LRCH1: variants seen among roughly 807,000 people sequenced by gnomAD.
LRCH1 encodes leucine rich repeats and calponin homology domain containing 1, also known as leucine-rich repeat and calponin homology domain-containing protein 1.
A neutral mutation model predicts 94.9 loss-of-function variants in LRCH1; 23 were observed. That is an observed-to-expected ratio of 0.24 (90% CI 0.17 to 0.34). The LOEUF (loss-of-function observed/expected upper bound fraction) is 0.34. Ranked by LOEUF, LRCH1 falls within the 10% of genes least tolerant of loss-of-function variation. LRCH1 has a pLI of 1.00. For synonymous variants in LRCH1, 364 were observed against 354.9 expected, an observed-to-expected ratio of 1.03 and a Z score of -0.29; for missense variants, 790 against 945.9, an observed-to-expected ratio of 0.84 and a Z score of 2.16.
chr13:46,699,330 C>T lies in LRCH1; in HGVS notation c.1246-6C>T. ...TTTTCAGGAACCCTGTGTGTTTTGT[C>T]CACAGGCAAGGGCAGAAGACTGTGA... On this transcript the variant is annotated splice_polypyrimidine_tract_variant and splice_region_variant and intron_variant, in intron 9 of 19. Coordinates refer to ENST00000389797, the MANE Select transcript of LRCH1 (RefSeq NM_001164211.2). The T allele has an allele frequency of 6.2e-7, 1 of 1,612,334 alleles. No homozygotes were observed. Among genetic ancestry groups the T allele is most frequent in the African/African-American group, 1.3e-5 (1 of 74,974 alleles).
At chr13:46,611,659 A>G (rs2050749053) in intron 1 of LRCH1, among the ~76,000 whole-genome samples, 1 of 152,258 alleles carries the variant, frequency 6.6e-6, no homozygotes, top group South Asian at 2.1e-4. Flanking sequence ...CTGTGAGTGT[A>G]AAATACATGC....
At chr13:46,667,940 T>C (rs2051542803) in intron 2 of LRCH1, among the ~76,000 whole-genome samples, 2 of 152,226 alleles carry the variant, frequency 1.3e-5, no homozygotes, top group Non-Finnish European at 2.9e-5. Flanking sequence ...TACATGCATG[T>C]CTATAAATAC....
In LRCH1 at chr13:46,553,249, C is replaced by A; in HGVS notation, c.-148C>A. On this transcript the variant is annotated 5_prime_UTR_variant, in exon 1 of 20. Transcript: ENST00000389797. ...GCCTCCCCGCCCGCCCCCCATTCTA[C>A]GCGCCTGCCCACACCCTCCTCCCCT... The A allele has an allele frequency of 1.0e-4, 35 of 347,158 alleles. No homozygotes were observed. The highest frequency in any genetic ancestry group is 1.4e-4 in the Non-Finnish European group (25 of 183,400). 21.5% of individuals were successfully genotyped at this position (347,158 alleles called of 1,614,324 possible). A position where few individuals can be genotyped will look rare whatever the true frequency, so the allele number is the denominator to read the frequency against.
Position 46,706,880 on chromosome 13 carries a change from C to T in LRCH1, c.1527+1576C>T, listed in dbSNP as rs184791561. Among the ~76,000 whole-genome samples the T allele has an allele frequency of 5.1e-4, 78 of 152,332 alleles. 1 individual carries two copies. The highest frequency in any genetic ancestry group is 3.4e-3 in the Middle Eastern group (1 of 294). On this transcript the variant is annotated intron_variant, in intron 13 of 19. Coordinates refer to ENST00000389797, the MANE Select transcript of LRCH1 (RefSeq NM_001164211.2). Reference sequence around the variant, plus strand: ...TTCTCTTTCTCTCTCTCTCTCCATACACACAGTTCTTTTTCTGAAACACAC... The same window carrying T: ...TTCTCTTTCTCTCTCTCTCTCCATATACACAGTTCTTTTTCTGAAACACAC...
intron 12 of LRCH1, 43 bp from the exon 13 acceptor site, chr13:46,705,225 A>C (rs1309409424): frequency 6.3e-7 from 1 of 1,580,478 alleles, no homozygotes; most frequent in Admixed American, 1.8e-5. Context: ...CTATGCTTTA[A>C]ATTTCACTTT....
In LRCH1 at chr13:46,571,932, C is replaced by G. The variant is rs993640221; in HGVS notation, c.307+18229C>G. 4.0e-5 allele frequency among the ~76,000 whole-genome samples: 6 copies of G among 151,662 alleles called. No individual in the cohort carries two copies. In the East Asian group the frequency reaches 1.2e-3, roughly 29 times the overall value. ...GGAGGGAGGGAGAGAGAGAGAGAGA[C>G]AGGCAGGCAGTGGCTGTTTTTTTGA... On this transcript the variant is annotated intron_variant, in intron 1 of 19. Coordinates refer to ENST00000389797, the MANE Select transcript of LRCH1 (RefSeq NM_001164211.2).
intron 19 of LRCH1, among the ~76,000 whole-genome samples, chr13:46,738,896 A>T (rs1448609304): frequency 6.6e-6 from 1 of 152,130 alleles, no homozygotes; most frequent in Non-Finnish European, 1.5e-5. Flanking sequence ...ATTAGTTGTC[A>T]TATATTTGGA....
chr13:46,648,515 G>T (rs1053844691), intron 1 of LRCH1, among the ~76,000 whole-genome samples: 3 of 152,108 alleles, frequency 2.0e-5, no homozygotes, highest in African/African-American at 7.2e-5. Context: ...TCCTCTCAGG[G>T]CTCTTCTTTG....
At chr13:46,717,993 G>C (rs1872406739) in intron 16 of LRCH1, among the ~76,000 whole-genome samples, 1 of 152,138 alleles carries the variant, frequency 6.6e-6, no homozygotes, top group Admixed American at 6.5e-5. Context: ...TTGTCTGTAG[G>C]TTTCTCTGGG....
At chr13:46,651,444 G>A (rs1193770956) in intron 2 of LRCH1, among the ~76,000 whole-genome samples, 1 of 151,856 alleles carries the variant, frequency 6.6e-6, no homozygotes, top group African/African-American at 2.4e-5. Flanking sequence ...CGGAGGGATC[G>A]CCTGTCAGGA....
chr13:46,604,348 C>T (rs1189858094), intron 1 of LRCH1, among the ~76,000 whole-genome samples: 1 of 152,056 alleles, frequency 6.6e-6, no homozygotes, highest in Non-Finnish European at 1.5e-5. Flanking sequence ...TGTGGGTGAC[C>T]GAGGTGGCTG....
At chr13:46,592,776 T>C (rs1193584559) in intron 1 of LRCH1, among the ~76,000 whole-genome samples, 1 of 152,230 alleles carries the variant, frequency 6.6e-6, no homozygotes, top group Admixed American at 6.5e-5. Flanking sequence ...GATTCCTGGC[T>C]GCTTCTGGGC....
At chr13:46,719,675 C>CA (rs1872508129) in intron 16 of LRCH1, among the ~76,000 whole-genome samples, 1 of 152,144 alleles carries the variant, frequency 6.6e-6, no homozygotes, top group Non-Finnish European at 1.5e-5. Flanking sequence ...AAGTAAATTG[C>CA]GTATATGTGC....
At chr13:46,619,220 A>G (rs58814359) in intron 1 of LRCH1, among the ~76,000 whole-genome samples, 11,996 of 151,592 alleles carry the variant, frequency 0.079, 574 homozygotes, top group Middle Eastern at 0.15. Context: ...AGTGATTCTC[A>G]TGCTTCAGCC....
At position 46,699,363 on chromosome 13, in the gene LRCH1, T is replaced by C. The variant is rs1323146204; in HGVS notation, c.1273T>C (p.Leu425=). The change falls in exon 10 of 20, where the codon TTA becomes CTA. Residue 425 remains leucine, a synonymous_variant. Coordinates refer to ENST00000389797, the MANE Select transcript of LRCH1 (RefSeq NM_001164211.2). Reference sequence around the variant, plus strand: ...AAGGGCAGAAGACTGTGAAGAGCTGTTACGGATAGAAGAGGATGTGCACTG... The same window carrying C: ...AAGGGCAGAAGACTGTGAAGAGCTGCTACGGATAGAAGAGGATGTGCACTG... ...KARAEDCEEL[L]RIEEDVHWQT... 1.9e-6 allele frequency: 3 copies of C among 1,614,106 alleles called. No individual in the cohort carries two copies. The highest frequency in any genetic ancestry group is 1.6e-4 in the Middle Eastern group (1 of 6,062).
intron 1 of LRCH1, among the ~76,000 whole-genome samples, chr13:46,555,346 T>A (rs1247120700): frequency 6.6e-6 from 1 of 152,222 alleles, no homozygotes; most frequent in African/African-American, 2.4e-5. Context: ...CTGGCATGAC[T>A]AATAATAATA....
At chr13:46,687,605 A>C (rs1593352806) in intron 5 of LRCH1, among the ~76,000 whole-genome samples, 2 of 152,166 alleles carry the variant, frequency 1.3e-5, no homozygotes, top group South Asian at 2.1e-4. Context: ...TTTTTGTTAG[A>C]GTTTTATAGT....
At chr13:46,633,796 C>A (rs566043074) in intron 1 of LRCH1, among the ~76,000 whole-genome samples, 22 of 152,186 alleles carry the variant, frequency 1.4e-4, no homozygotes, top group African/African-American at 5.1e-4. Flanking sequence ...TCCATAGATA[C>A]CCTAAGTCAA....
chr13:46,628,390 C>A (rs1566186284), intron 1 of LRCH1, among the ~76,000 whole-genome samples: 1 of 152,132 alleles, frequency 6.6e-6, no homozygotes, highest in Admixed American at 6.5e-5. Flanking sequence ...GTAATCCCAG[C>A]ACTTTGGGAG....
Sources: gnomAD v4.1 joint callset for allele counts (sites outside exome capture counted in the v4.1 genomes callset) on GRCh38, gnomAD v4.1.1 for gene constraint, MANE v1.5 for transcripts, NCBI Gene and HGNC (gene_info 2026-07-23, HGNC 2026-07-21) for gene names.